Variants in PARP8 observed in about 807,000 individuals in gnomAD.
The protein encoded by PARP8 is poly(ADP-ribose) polymerase family member 8, also known as protein mono-ADP-ribosyltransferase PARP8.
A neutral mutation model predicts 124.1 loss-of-function variants in PARP8; 51 were observed. That is an observed-to-expected ratio of 0.41 (90% CI 0.33 to 0.52). PARP8 has a LOEUF of 0.52. Ranked by LOEUF, PARP8 falls within the 20% of genes least tolerant of loss-of-function variation. PARP8 has a pLI of 0.21. For synonymous variants in PARP8, 391 were observed against 361.5 expected (o/e 1.08, Z -0.93); for missense variants, 860 against 1,018.9 (o/e 0.84, Z 2.12).
rs1749492013 is a variant in PARP8, at chr5:50,667,685, G to T, written c.92-386G>T. On this transcript the variant is annotated intron_variant, in intron 1 of 25. Coordinates refer to ENST00000281631, the MANE Select transcript of PARP8 (RefSeq NM_024615.4). ...CCTTCGGCTCCCTCTAGTCCCCTCC[G>T]ACTGGCAAAGAGAAGGGATTCCTCG... The T allele has an allele frequency of 1.7e-5, 12 of 699,586 alleles. No homozygotes were observed. In the South Asian group the frequency reaches 1.8e-4, roughly 10 times the overall value. 43.3% of individuals were successfully genotyped at this position (699,586 alleles called of 1,614,324 possible).
intron 2 of PARP8, among the ~76,000 whole-genome samples, chr5:50,689,018 A>ATT (rs59463822): frequency 7.6e-6 from 1 of 131,516 alleles, no homozygotes; most frequent in South Asian, 2.5e-4. Flanking sequence ...ATATGAATGA[A>ATT]TTTTTTTTTT....
chr5:50,673,700 G>C (rs1009083859), intron 2 of PARP8, among the ~76,000 whole-genome samples: 3 of 152,176 alleles, frequency 2.0e-5, no homozygotes, highest in Admixed American at 2.0e-4. Context: ...TGTCTGCCAG[G>C]GGCAATACTG....
chr5:50,843,210 A>G lies in PARP8; in HGVS notation c.*1142A>G, dbSNP rs1428680267. 1.3e-5 allele frequency: 2 copies of G among 151,662 alleles called. No individual in the cohort carries two copies. The highest frequency in any genetic ancestry group is 3.0e-5 in the Non-Finnish European group (2 of 67,796). The allele number at this position is 151,662 out of a possible 1,614,324, so 9.4% of individuals were successfully genotyped here. A position where few individuals can be genotyped will look rare whatever the true frequency, so the allele number is the denominator to read the frequency against. On this transcript the variant is annotated 3_prime_UTR_variant, in exon 26 of 26. Transcript: ENST00000281631. ...CATAATTTCATCAAAATCATTTCTT[A>G]TTCTTTGAGTCCTAGAGTTCTTATT... is the stretch of plus-strand genomic sequence containing the variant.
rs1267844332 is a variant in PARP8, at chr5:50,712,271, T to G, written c.147-37880T>G. On this transcript the variant is annotated intron_variant, in intron 2 of 25. Coordinates refer to ENST00000281631, the MANE Select transcript of PARP8 (RefSeq NM_024615.4). ...ATATTTAGAAATAGATATTTGGCAT[T>G]TTATACTTTAAAAAACCCAACTTCT... Among the ~76,000 whole-genome samples the G allele has an allele frequency of 2.6e-5, 4 of 152,100 alleles. No homozygotes were observed. In the South Asian group the frequency reaches 6.2e-4, roughly 24 times the overall value.
intron 7 of PARP8, among the ~76,000 whole-genome samples, chr5:50,773,717 G>T (rs1280841547): frequency 6.6e-6 from 1 of 151,958 alleles, no homozygotes; most frequent in Non-Finnish European, 1.5e-5. Flanking sequence ...GACAGGGGTT[G>T]CATTGAATCT....
At chr5:50,797,783 T>C (rs890432366) in intron 14 of PARP8, among the ~76,000 whole-genome samples, 6 of 152,216 alleles carry the variant, frequency 3.9e-5, no homozygotes, top group African/African-American at 1.4e-4. Flanking sequence ...ACGATTCAAT[T>C]TTAAAATGAT....
At chr5:50,695,822 TTAGAGCTGCTA>T (rs1367375417) in intron 2 of PARP8, among the ~76,000 whole-genome samples, 15 of 152,196 alleles carry the variant, frequency 9.9e-5, no homozygotes, top group African/African-American at 2.7e-4. Flanking sequence ...TTTTTGTGAT[TTAGAGCTGCTA>T]TGGGAATTAT....
chr5:50,805,697 A>G (rs1355192851), intron 14 of PARP8, among the ~76,000 whole-genome samples: 2 of 152,112 alleles, frequency 1.3e-5, no homozygotes, highest in African/African-American at 4.8e-5. Context: ...CAAGATTTAT[A>G]CTTTTAAAAA....
chr5:50,815,393 G>A lies in PARP8; in HGVS notation c.1576-39G>A, dbSNP rs747013482. 2.8e-6 allele frequency: 4 copies of A among 1,438,046 alleles called. No individual in the cohort carries two copies. In the African/African-American group the frequency reaches 5.9e-5, roughly 21 times the overall value. 89.1% of individuals were successfully genotyped at this position (1,438,046 alleles called of 1,614,324 possible). A position where few individuals can be genotyped will look rare whatever the true frequency, so the allele number is the denominator to read the frequency against. On this transcript the variant is annotated intron_variant, in intron 14 of 25. Coordinates refer to ENST00000281631, the MANE Select transcript of PARP8 (RefSeq NM_024615.4). ...GAATTTAATTTTGATATTGAGAGTT[G>A]GAAAAAAGTTTTGTGATTGATTCCT...
intron 2 of PARP8, among the ~76,000 whole-genome samples, chr5:50,737,799 A>G (rs1757625171): frequency 6.6e-6 from 1 of 152,208 alleles, no homozygotes; most frequent in Admixed American, 6.5e-5. Context: ...AAGACCATAC[A>G]CACGGCTGTC....
intron 14 of PARP8, among the ~76,000 whole-genome samples, chr5:50,806,875 A>G (rs1389000606): frequency 6.6e-6 from 1 of 152,096 alleles, no homozygotes; most frequent in Non-Finnish European, 1.5e-5. Flanking sequence ...ATATTAACCA[A>G]TTAACTGATT....
At chr5:50,791,834 T>G (rs1331535685) in intron 10 of PARP8, among the ~76,000 whole-genome samples, 1 of 152,168 alleles carries the variant, frequency 6.6e-6, no homozygotes, top group Non-Finnish European at 1.5e-5. Flanking sequence ...GCTCCACATT[T>G]GTAAAACGAA....
chr5:50,834,151 C>G lies in PARP8; in HGVS notation c.2377+103C>G, dbSNP rs539672729. The G allele has an allele frequency of 1.5e-5, 14 of 932,582 alleles. No individual in the cohort carries two copies. In the African/African-American group the frequency reaches 2.3e-4, roughly 16 times the overall value. 57.8% of individuals were successfully genotyped at this position (932,582 alleles called of 1,614,324 possible). A position where few individuals can be genotyped will look rare whatever the true frequency, so the allele number is the denominator to read the frequency against. ...AGTGCTTACGGTGGAATAGGGAAAG[C>G]ATTATTCCTTATGATCATCTCAAAG... is the stretch of plus-strand genomic sequence containing the variant. On this transcript the variant is annotated intron_variant, in intron 24 of 25. Transcript: ENST00000281631.
intron 2 of PARP8, among the ~76,000 whole-genome samples, chr5:50,703,112 G>C (rs1199865329): frequency 6.6e-6 from 1 of 152,066 alleles, no homozygotes; most frequent in Non-Finnish European, 1.5e-5. Flanking sequence ...ACCAGCTTGG[G>C]CAACATGGTG....
intron 2 of PARP8, among the ~76,000 whole-genome samples, chr5:50,675,263 T>G (rs1750482276): frequency 6.6e-6 from 1 of 152,214 alleles, no homozygotes; most frequent in Admixed American, 6.5e-5. Flanking sequence ...GTCAACTAAC[T>G]CTGAAGTGCT....
At chr5:50,789,642 C>T (rs536144883) in intron 10 of PARP8, among the ~76,000 whole-genome samples, 83 of 152,306 alleles carry the variant, frequency 5.4e-4, no homozygotes, top group East Asian at 7.7e-4. Context: ...TACCTCAGTT[C>T]GCCATGGTCA....
chr5:50,706,051 A>G (rs1240615069), intron 2 of PARP8, among the ~76,000 whole-genome samples: 1 of 152,186 alleles, frequency 6.6e-6, no homozygotes, highest in Non-Finnish European at 1.5e-5. Flanking sequence ...GCTCCTGCTT[A>G]ACAATTGCTT....
Position 50,844,251 on chromosome 5 carries a change from AC to A in PARP8, c.*2184del, listed in dbSNP as rs1375799701. On this transcript the variant is annotated 3_prime_UTR_variant, in exon 26 of 26. Transcript: ENST00000281631. ...TAATAAAGTAAGATGTCTTCTTATG[AC>A]AGTTAATTGAGTTGTATCATGATAC... The A allele has an allele frequency of 6.6e-6, 1 of 151,826 alleles. No homozygotes were observed. The highest frequency in any genetic ancestry group is 2.4e-5 in the African/African-American group (1 of 41,402). The allele number at this position is 151,826 out of a possible 1,614,324, so 9.4% of individuals were successfully genotyped here. A position where few individuals can be genotyped will look rare whatever the true frequency, so the allele number is the denominator to read the frequency against.
chr5:50,738,602 T>C (rs1248505472), intron 2 of PARP8, among the ~76,000 whole-genome samples: 5 of 152,006 alleles, frequency 3.3e-5, no homozygotes, highest in Admixed American at 1.3e-4. Flanking sequence ...AACAAAAATA[T>C]TTGTTTTGGC....
Sources: allele counts gnomAD v4.1 joint callset (sites outside exome capture counted in the v4.1 genomes callset), GRCh38; gene constraint gnomAD v4.1.1; transcripts MANE v1.5; gene names NCBI Gene and HGNC (gene_info 2026-07-23, HGNC 2026-07-21).